Variants in KIF4A observed in about 807,000 individuals in gnomAD.
KIF4A encodes chromosome-associated kinesin KIF4A.
KIF4A carries 7 observed loss-of-function variants against 105.9 expected under a neutral mutation model. The ratio of observed to expected loss-of-function variants is 0.07; its 90% confidence interval spans 0.04 to 0.12. The LOEUF (loss-of-function observed/expected upper bound fraction) is 0.12. Ranked by LOEUF, KIF4A falls within the 10% of genes least tolerant of loss-of-function variation. The pLI is 1.00. For missense variants in KIF4A, 558 were observed against 929.2 expected (o/e 0.60, Z 5.19); for synonymous variants, 281 against 331.3 (o/e 0.85, Z 1.65).
rs1325921551 is a variant in KIF4A, at chrX:70,419,807, T to C, written c.3495+24T>C. 4.1e-6 allele frequency: 5 copies of C among 1,207,696 alleles called. No individual in the cohort carries two copies. In the African/African-American group the frequency reaches 7.1e-5, roughly 17 times the overall value. The stretch of plus-strand genomic sequence containing the variant: ...AGGTAGGTGGGCTAAAAGGCAGGCA[T>C]TGGAAAACTGGATTAGCGTCCTTCT... On this transcript the variant is annotated intron_variant, in intron 30 of 30. Coordinates refer to ENST00000374403, the MANE Select transcript of KIF4A (RefSeq NM_012310.5).
At chrX:70,419,523 A>G (rs1195704675) in intron 29 of KIF4A, 138 bp from the exon 30 acceptor site, 2 of 714,830 alleles carry the variant, frequency 2.8e-6, no homozygotes, top group East Asian at 6.6e-5. Flanking sequence ...TGACCTCCCC[A>G]AGCAGGGCCT....
At chrX:70,361,944 C>A (rs1192846579) in intron 15 of KIF4A, among the ~76,000 whole-genome samples, 1 of 112,319 alleles carries the variant, frequency 8.9e-6, no homozygotes, top group Non-Finnish European at 1.9e-5. Context: ...GCCTCACCCT[C>A]TTTGTGAATC....
At chrX:70,302,243 A>G in intron 6 of KIF4A, 61 bp from the exon 7 acceptor site, 1 of 1,161,491 alleles carries the variant, frequency 8.6e-7, no homozygotes, top group Non-Finnish European at 1.2e-6. Flanking sequence ...GTCAGCTTTG[A>G]TATTCAGTTA....
chrX:70,419,952 A>T, intron 30 of KIF4A, 110 bp from the exon 31 acceptor site: 1 of 990,798 alleles, frequency 1.0e-6, no homozygotes, highest in Non-Finnish European at 1.4e-6. Flanking sequence ...GAATGATCTT[A>T]AAGAACACTT....
intron 10 of KIF4A, among the ~76,000 whole-genome samples, chrX:70,341,546 C>T (rs921095126): frequency 2.7e-5 from 3 of 111,357 alleles, no homozygotes; most frequent in Non-Finnish European, 5.7e-5. Context: ...CTGTTGCAAC[C>T]GTATCTGGCT....
chrX:70,392,361 T>C (rs969800287), intron 20 of KIF4A, among the ~76,000 whole-genome samples: 2 of 112,082 alleles, frequency 1.8e-5, no homozygotes, highest in African/African-American at 6.5e-5. Context: ...TAAAAATAGA[T>C]ATAGGATTGT....
chrX:70,331,552 C>T (rs1426511618), intron 9 of KIF4A, among the ~76,000 whole-genome samples: 1 of 110,213 alleles, frequency 9.1e-6, no homozygotes, highest in African/African-American at 3.3e-5. Context: ...AAAATGTTGA[C>T]ACAGAGACAT....
chrX:70,402,473 C>T, intron 22 of KIF4A, 93 bp from the exon 23 acceptor site: 1 of 994,617 alleles, frequency 1.0e-6, no homozygotes, highest in Non-Finnish European at 1.4e-6. Context: ...ATAGCTCCAT[C>T]CATAAAATTA....
chrX:70,366,165 G>T (rs1318533390), intron 15 of KIF4A, among the ~76,000 whole-genome samples: 5 of 111,402 alleles, frequency 4.5e-5, no homozygotes, highest in Admixed American at 9.6e-5. Flanking sequence ...CTTGCTAGCG[G>T]TCTATGAATT....
intron 28 of KIF4A, among the ~76,000 whole-genome samples, chrX:70,416,573 C>T (rs759568493): frequency 1.1e-4 from 12 of 109,152 alleles, no homozygotes; most frequent in Non-Finnish European, 1.5e-4. Flanking sequence ...TGAGCTCAAG[C>T]GATCCACCCG....
At chrX:70,342,923 G>A (rs1377373025) in intron 11 of KIF4A, among the ~76,000 whole-genome samples, 1 of 112,316 alleles carries the variant, frequency 8.9e-6, no homozygotes, top group African/African-American at 3.2e-5. Flanking sequence ...CTGCCTGATA[G>A]GCTTATTGTT....
intron 7 of KIF4A, among the ~76,000 whole-genome samples, chrX:70,304,722 G>T (rs1602740767): frequency 1.1e-5 from 1 of 91,441 alleles, no homozygotes; most frequent in South Asian, 6.3e-4. Flanking sequence ...GCAGTGGCAT[G>T]ATCTTGGCTC....
chrX:70,400,043 T>A (rs1318214617), intron 22 of KIF4A, among the ~76,000 whole-genome samples: 4 of 105,789 alleles, frequency 3.8e-5, no homozygotes, highest in Non-Finnish European at 7.8e-5. Context: ...TTATTATACT[T>A]TAAGTTTTAG....
intron 7 of KIF4A, among the ~76,000 whole-genome samples, chrX:70,312,031 A>G (rs1013575452): frequency 6.4e-5 from 7 of 109,318 alleles, no homozygotes; most frequent in Non-Finnish European, 1.1e-4. Flanking sequence ...TTAAAATTAC[A>G]TATCTAGTCA....
At chrX:70,408,332 T>A (rs1402090572) in intron 28 of KIF4A, among the ~76,000 whole-genome samples, 3 of 111,639 alleles carry the variant, frequency 2.7e-5, no homozygotes, top group Non-Finnish European at 5.6e-5. Context: ...ACAAAAAGAA[T>A]TACAGAAAAA....
At chrX:70,357,659 T>A (rs936618302) in intron 15 of KIF4A, among the ~76,000 whole-genome samples, 1 of 112,774 alleles carries the variant, frequency 8.9e-6, no homozygotes, top group African/African-American at 3.2e-5. Context: ...AAAAATTCTT[T>A]TACTTGTTAG....
Position 70,368,041 on chromosome X carries a change from G to A in KIF4A, c.1675-6110G>A, listed in dbSNP as rs769380665. Among the ~76,000 whole-genome samples, 20 of 111,455 alleles carry A rather than the reference G, an allele frequency of 1.8e-4. No individual in the cohort carries two copies. The South Asian group carries it at 6.5e-3, about 36-fold the overall frequency. On this transcript the variant is annotated intron_variant, in intron 15 of 30. Coordinates refer to ENST00000374403, the MANE Select transcript of KIF4A (RefSeq NM_012310.5). The stretch of plus-strand genomic sequence containing the variant: ...CATACCTTTTCTTCAAGTTGATCAC[G>A]TCGGCTACTGAGGCTTGTGCATTCG...
intron 18 of KIF4A, among the ~76,000 whole-genome samples, chrX:70,377,272 A>G (rs985090827): frequency 2.7e-5 from 3 of 110,689 alleles, no homozygotes; most frequent in Admixed American, 9.7e-5. Context: ...GAATCTCACT[A>G]TGTTGCCCAG....
intron 7 of KIF4A, among the ~76,000 whole-genome samples, chrX:70,309,438 CAT>C (rs1180305828): frequency 9.0e-6 from 1 of 111,466 alleles, no homozygotes; most frequent in Non-Finnish European, 1.9e-5. Context: ...ACATATATTG[CAT>C]ATGTTTTCCT....
Sources: allele counts gnomAD v4.1 joint callset (sites outside exome capture counted in the v4.1 genomes callset), GRCh38; gene constraint gnomAD v4.1.1; transcripts MANE v1.5; gene names NCBI Gene and HGNC (gene_info 2026-07-23, HGNC 2026-07-21).